Variants in TYW1 observed in about 807,000 individuals in gnomAD.
The protein encoded by TYW1 is tRNA-yW synthesizing protein 1 homolog.
In TYW1, 46 loss-of-function variants were observed where a neutral mutation model predicts 96.2. The observed-to-expected ratio is 0.48, with a 90% CI of 0.38 to 0.61. TYW1 has a LOEUF of 0.61. Among genes scored for constraint, TYW1 ranks in the 20% least tolerant of loss-of-function variants. TYW1 has a pLI of 0.00. For missense variants in TYW1, 684 were observed against 909.6 expected (o/e 0.75, Z 3.19); for synonymous variants, 274 against 323.0 (o/e 0.85, Z 1.63).
At position 67,195,117 on chromosome 7, in the gene TYW1, A is replaced by G. The variant is rs532828651; in HGVS notation, c.1810-53A>G. On this transcript the variant is annotated intron_variant, in intron 14 of 15. Coordinates refer to ENST00000359626, the MANE Select transcript of TYW1 (RefSeq NM_018264.4). ...TTTCCGGCTCTGAAAGTCTTCTTCT[A>G]TGACATGCAGGTAGGTCTGTAGTCA... The G allele has an allele frequency of 7.0e-6, 11 of 1,569,522 alleles. No individual in the cohort carries two copies. In the African/African-American group the frequency reaches 8.2e-5, roughly 12 times the overall value.
At chr7:67,071,834 C>T (rs1796039470) in intron 10 of TYW1, among the ~76,000 whole-genome samples, 1 of 152,132 alleles carries the variant, frequency 6.6e-6, no homozygotes, top group African/African-American at 2.4e-5. Flanking sequence ...GTTAGCCAGA[C>T]TGGTCTCAAA....
intron 7 of TYW1, among the ~76,000 whole-genome samples, chr7:67,030,612 G>C (rs899729013): frequency 6.6e-6 from 1 of 152,026 alleles, no homozygotes; most frequent in African/African-American, 2.4e-5. Flanking sequence ...GACTGGCCCA[G>C]ATATATTCTT....
intron 13 of TYW1, among the ~76,000 whole-genome samples, chr7:67,119,489 C>G (rs966681365): frequency 6.6e-6 from 1 of 152,168 alleles, no homozygotes. Context: ...ACCACCTTCT[C>G]CCTTCTGAGT....
chr7:67,191,211 G>C (rs767615254), intron 14 of TYW1, among the ~76,000 whole-genome samples: 3 of 152,092 alleles, frequency 2.0e-5, no homozygotes, highest in Non-Finnish European at 4.4e-5. Flanking sequence ...CCTCCCACTG[G>C]GCTCCACCCC....
rs549635332 is a variant in TYW1 at position 67,100,617 on chromosome 7, C to T, written c.1562+1899C>T. 1.5e-4 allele frequency among the ~76,000 whole-genome samples: 23 copies of T among 152,046 alleles called. No individual in the cohort carries two copies. In the South Asian group the frequency reaches 3.7e-3, roughly 25 times the overall value. On this transcript the variant is annotated intron_variant, in intron 12 of 15. Transcript: ENST00000359626. ...ATCCCAGCACTTTGGGAGGCCGAGA[C>T]GGGTGGATCACGAGGTCATGAGATT...
At chr7:67,148,875 A>T (rs1389511095) in intron 13 of TYW1, among the ~76,000 whole-genome samples, 1 of 152,224 alleles carries the variant, frequency 6.6e-6, no homozygotes, top group Admixed American at 6.5e-5. Flanking sequence ...ATTTGTTTTT[A>T]ATGATATTTC....
chr7:67,171,430 T>A (rs935456554), intron 13 of TYW1, among the ~76,000 whole-genome samples: 1 of 152,170 alleles, frequency 6.6e-6, no homozygotes, highest in Non-Finnish European at 1.5e-5. Flanking sequence ...TTGATTTAAT[T>A]TACTCTTCTT....
At chr7:67,170,567 AC>A (rs1179713990) in intron 13 of TYW1, among the ~76,000 whole-genome samples, 1 of 152,222 alleles carries the variant, frequency 6.6e-6, no homozygotes, top group African/African-American at 2.4e-5. Context: ...GGCATTTCAT[AC>A]ATTTACAGTC....
At chr7:67,025,045 T>C (rs1350135647) in intron 7 of TYW1, 23 bp downstream of exon 7, 1 of 1,613,240 alleles carries the variant, frequency 6.2e-7, no homozygotes, top group African/African-American at 1.3e-5. Flanking sequence ...TGGGAAATGT[T>C]GCACTTGGCT....
intron 13 of TYW1, among the ~76,000 whole-genome samples, chr7:67,137,648 T>C (rs1180275815): frequency 2.0e-5 from 3 of 152,074 alleles, no homozygotes; most frequent in Admixed American, 1.3e-4. Context: ...GGAGGTGTGG[T>C]TGGGTGACTT....
At chr7:67,134,101 C>G (rs1247071345) in intron 13 of TYW1, among the ~76,000 whole-genome samples, 1 of 152,104 alleles carries the variant, frequency 6.6e-6, no homozygotes, top group Non-Finnish European at 1.5e-5. Flanking sequence ...ATTCCCTGCA[C>G]TATCCTCAGT....
At chr7:67,163,537 G>T (rs534407774) in intron 13 of TYW1, among the ~76,000 whole-genome samples, 18 of 152,276 alleles carry the variant, frequency 1.2e-4, no homozygotes, top group Non-Finnish European at 2.4e-4. Context: ...AACCTGTAGA[G>T]TACATGACTC....
chr7:67,009,687 T>C lies in TYW1; in HGVS notation c.375+3T>C. ...CAGATGATCATCTGATAGAAGAGGT[T>C]GGTAATTGTCTTTTTCTTCAGTCAA... is the stretch of plus-strand genomic sequence containing the variant. On this transcript the variant is annotated splice_donor_region_variant and intron_variant, in intron 4 of 15. Transcript: ENST00000359626. 6.3e-7 allele frequency: 1 copy of C among 1,589,222 alleles called. No homozygotes were observed. The highest frequency in any genetic ancestry group is 1.2e-5 in the South Asian group (1 of 84,890).
chr7:67,159,836 T>C lies in TYW1; in HGVS notation c.1699-23290T>C, dbSNP rs572938173. Among the ~76,000 whole-genome samples, 463 of 151,612 alleles carry C rather than the reference T, an allele frequency of 3.1e-3. 2 individuals are homozygous for C. The highest frequency in any genetic ancestry group is 5.8e-3 in the Non-Finnish European group (394 of 67,922). ...ATTTTTTTGAGACAGAGTCTTGCTC[T>C]GTAGCCCAGGCTGGAGTGCAGTGGC... On this transcript the variant is annotated intron_variant, in intron 13 of 15. Coordinates refer to ENST00000359626, the MANE Select transcript of TYW1 (RefSeq NM_018264.4).
intron 3 of TYW1, among the ~76,000 whole-genome samples, chr7:67,006,514 A>G (rs1793596047): frequency 7.5e-6 from 1 of 133,404 alleles, no homozygotes. Context: ...ATCTCGGCTC[A>G]CTGCGGCCTC....
chr7:67,024,848 G>GCTTTGC (rs1411613669), intron 6 of TYW1, 52 bp from the exon 7 acceptor site: 1 of 1,603,156 alleles, frequency 6.2e-7, no homozygotes, highest in Admixed American at 1.7e-5. Context: ...GGGTAAGAGA[G>GCTTTGC]CTTTGCCTTT....
intron 15 of TYW1, among the ~76,000 whole-genome samples, chr7:67,229,265 C>T (rs143584693): frequency 0.02 from 3,024 of 152,122 alleles, 84 homozygotes; most frequent in African/African-American, 0.068. Context: ...AGGCCGGGTG[C>T]GGTGGCTCAT....
intron 11 of TYW1, among the ~76,000 whole-genome samples, chr7:67,097,171 C>T (rs1198364178): frequency 8.0e-4 from 121 of 150,804 alleles, no homozygotes; most frequent in African/African-American, 2.5e-3. Context: ...TGCACCCCTC[C>T]GCCAGAGATT....
chr7:67,113,699 C>T lies in TYW1; in HGVS notation c.1563-3784C>T, dbSNP rs553834845. 6.7e-5 allele frequency among the ~76,000 whole-genome samples: 10 copies of T among 149,730 alleles called. No homozygotes were observed. In the East Asian group the frequency reaches 7.8e-4, roughly 12 times the overall value. On this transcript the variant is annotated intron_variant, in intron 12 of 15. Coordinates refer to ENST00000359626, the MANE Select transcript of TYW1 (RefSeq NM_018264.4). ...TGTTGCCCAGGCTGGAGTACAGTGGCGCAATCTTGGCTCATGCAGCCTCCG... is the reference window on the plus strand; with the variant it reads ...TGTTGCCCAGGCTGGAGTACAGTGGTGCAATCTTGGCTCATGCAGCCTCCG...
Sources: gnomAD v4.1 joint callset for allele counts (sites outside exome capture counted in the v4.1 genomes callset) on GRCh38, gnomAD v4.1.1 for gene constraint, MANE v1.5 for transcripts, NCBI Gene and HGNC (gene_info 2026-07-23, HGNC 2026-07-21) for gene names.